Variants in NCKAP5 observed in about 807,000 individuals in gnomAD.
NCKAP5 encodes the protein NCK associated protein 5.
NCKAP5 carries 92 observed loss-of-function variants against 167.0 expected under a neutral mutation model. The observed-to-expected ratio is 0.55, with a 90% CI of 0.47 to 0.66. NCKAP5 has a LOEUF of 0.66. Among genes scored for constraint, NCKAP5 ranks in the 30% least tolerant of loss-of-function variants. The pLI is 0.00. For synonymous variants in NCKAP5, 891 were observed against 877.4 expected (o/e 1.02, Z -0.27); for missense variants, 2,378 against 2,315.0 (o/e 1.03, Z -0.56).
intron 3 of NCKAP5, among the ~76,000 whole-genome samples, chr2:133,349,510 A>G (rs969610879): frequency 1.3e-5 from 2 of 152,224 alleles, no homozygotes; most frequent in Admixed American, 1.3e-4. Context: ...AAGCGGAGAA[A>G]TGAATATTCT....
At chr2:133,171,904 G>A (rs1451328827) in intron 5 of NCKAP5, among the ~76,000 whole-genome samples, 1 of 152,188 alleles carries the variant, frequency 6.6e-6, no homozygotes, top group Non-Finnish European at 1.5e-5. Context: ...AACTAATGCT[G>A]CTTTGGAAAA....
the NCKAP5 span, among the ~76,000 whole-genome samples, chr2:133,610,141 G>C: frequency 6.6e-6 from 1 of 152,266 alleles, no homozygotes; most frequent in African/African-American, 2.4e-5. Context: ...ATGAGTTCTT[G>C]CTCTTAGATC....
chr2:132,806,693 G>T (rs1020388749), intron 11 of NCKAP5, among the ~76,000 whole-genome samples: 2 of 152,180 alleles, frequency 1.3e-5, no homozygotes, highest in African/African-American at 4.8e-5. Flanking sequence ...TGTACAGATT[G>T]TGAAGATTTC....
chr2:133,056,668 C>T (rs1462106078), intron 6 of NCKAP5, among the ~76,000 whole-genome samples: 3 of 152,162 alleles, frequency 2.0e-5, no homozygotes, highest in Non-Finnish European at 4.4e-5. Context: ...ATTTATTAAA[C>T]ACATATTATC....
intron 16 of NCKAP5, among the ~76,000 whole-genome samples, chr2:132,747,183 A>G (rs1012982433): frequency 6.7e-6 from 1 of 148,262 alleles, no homozygotes; most frequent in Admixed American, 6.7e-5. Context: ...AAAAAAAAAA[A>G]CAAAACAAAG....
intron 5 of NCKAP5, among the ~76,000 whole-genome samples, chr2:133,154,005 C>A (rs2083479376): frequency 6.6e-6 from 1 of 151,722 alleles, no homozygotes; most frequent in African/African-American, 2.4e-5. Context: ...CCACACCTGG[C>A]TAACTTTTGT....
intron 5 of NCKAP5, among the ~76,000 whole-genome samples, chr2:133,173,155 C>T (rs780301253): frequency 7.9e-5 from 12 of 152,028 alleles, no homozygotes; most frequent in South Asian, 4.2e-4. Context: ...CTCATTCCCA[C>T]GAAGATTAAG....
chr2:132,982,810 T>G (rs1391686947), intron 7 of NCKAP5, among the ~76,000 whole-genome samples: 1 of 152,210 alleles, frequency 6.6e-6, no homozygotes, highest in Non-Finnish European at 1.5e-5. Flanking sequence ...GATAATGGCT[T>G]CCAACTGCAT....
chr2:133,201,135 G>A (rs2085667747), intron 5 of NCKAP5, among the ~76,000 whole-genome samples: 1 of 152,166 alleles, frequency 6.6e-6, no homozygotes, highest in South Asian at 2.1e-4. Flanking sequence ...GATAGTTGAT[G>A]TGATAACCAG....
Position 133,299,979 on chromosome 2 carries a change from A to T in NCKAP5, c.143+3058T>A, listed in dbSNP as rs551922080. Among the ~76,000 whole-genome samples the T allele has an allele frequency of 1.7e-4, 26 of 150,196 alleles. No individual in the cohort carries two copies. In the South Asian group the frequency reaches 5.1e-3, roughly 30 times the overall value. On this transcript the variant is annotated intron_variant, in intron 4 of 19. Transcript: ENST00000409261. ...CGATCCCACAGAAATACAAACTACC[A>T]TCAGAGAATACTACAAACACCTCTA...
chr2:133,079,369 A>G (rs540947159), intron 6 of NCKAP5, among the ~76,000 whole-genome samples: 9 of 152,306 alleles, frequency 5.9e-5, no homozygotes, highest in Middle Eastern at 3.4e-3. Flanking sequence ...AAATTAACTG[A>G]AAAAGTTTCA....
chr2:133,667,877 T>A, the NCKAP5 span, among the ~76,000 whole-genome samples: 2 of 151,994 alleles, frequency 1.3e-5, no homozygotes, highest in African/African-American at 4.8e-5. Context: ...AGCACCACTA[T>A]CTAATTCCAG....
At chr2:132,725,252 C>T (rs1028041264) in intron 19 of NCKAP5, among the ~76,000 whole-genome samples, 1 of 152,182 alleles carries the variant, frequency 6.6e-6, no homozygotes, top group African/African-American at 2.4e-5. Flanking sequence ...CACAGCATGA[C>T]GTTAGCAGAG....
intron 3 of NCKAP5, among the ~76,000 whole-genome samples, chr2:133,368,483 C>T (rs1337413367): frequency 6.6e-6 from 1 of 152,122 alleles, no homozygotes; most frequent in Non-Finnish European, 1.5e-5. Context: ...AAACAGAACT[C>T]TTTACTCTTG....
At chr2:133,548,814 C>T (rs1686996894) in intron 2 of NCKAP5, among the ~76,000 whole-genome samples, 1 of 152,064 alleles carries the variant, frequency 6.6e-6, no homozygotes, top group South Asian at 2.1e-4. Flanking sequence ...GAAGAAACTA[C>T]ATCAACTAAC....
At chr2:133,154,826 A>G (rs1430735587) in intron 5 of NCKAP5, among the ~76,000 whole-genome samples, 1 of 152,242 alleles carries the variant, frequency 6.6e-6, no homozygotes, top group African/African-American at 2.4e-5. Context: ...ACTCTAACTT[A>G]CAGTTTTTAT....
the NCKAP5 span, among the ~76,000 whole-genome samples, chr2:133,576,694 G>T: frequency 6.6e-6 from 1 of 152,164 alleles, no homozygotes; most frequent in Admixed American, 6.5e-5. Flanking sequence ...GTGAGAGGGG[G>T]TAACTAAGAT....
chr2:133,002,948 G>A (rs2077837013), intron 6 of NCKAP5, among the ~76,000 whole-genome samples: 1 of 152,218 alleles, frequency 6.6e-6, no homozygotes, highest in Non-Finnish European at 1.5e-5. Flanking sequence ...ATGCCAGCAA[G>A]ACTGAAGGGG....
chr2:133,054,406 G>A (rs891561782), intron 6 of NCKAP5, among the ~76,000 whole-genome samples: 1 of 152,216 alleles, frequency 6.6e-6, no homozygotes, highest in East Asian at 1.9e-4. Flanking sequence ...TGCTGGCTGA[G>A]GTGTTAGAGA....
Sources: gnomAD v4.1 joint callset for allele counts (sites outside exome capture counted in the v4.1 genomes callset) on GRCh38, gnomAD v4.1.1 for gene constraint, MANE v1.5 for transcripts, NCBI Gene and HGNC (gene_info 2026-07-23, HGNC 2026-07-21) for gene names.